The following DIAPH3 variants were observed in gnomAD, a reference collection of about 807,000 sequenced individuals.
DIAPH3 encodes protein diaphanous homolog 3.
A neutral mutation model predicts 144.3 loss-of-function variants in DIAPH3; 117 were observed. That is an observed-to-expected ratio of 0.81 (90% CI 0.70 to 0.95). The LOEUF is 0.95. Ranked by LOEUF, DIAPH3 falls within the 40% of genes least tolerant of loss-of-function variation. The pLI is 0.00. For missense variants in DIAPH3, 1,421 were observed against 1,412.7 expected, an observed-to-expected ratio of 1.01 and a Z score of -0.09; for synonymous variants, 519 against 488.9, an observed-to-expected ratio of 1.06 and a Z score of -0.81.
intron 27 of DIAPH3, among the ~76,000 whole-genome samples, chr13:59,728,256 C>T (rs1170978763): frequency 6.6e-6 from 1 of 151,202 alleles, no homozygotes; most frequent in Non-Finnish European, 1.5e-5. Context: ...TGCTTATTTG[C>T]TTTTCCATTT....
At chr13:59,949,383 G>T (rs1203799534) in intron 17 of DIAPH3, among the ~76,000 whole-genome samples, 8 of 152,116 alleles carry the variant, frequency 5.3e-5, no homozygotes, top group African/African-American at 1.7e-4. Flanking sequence ...AAACCTAATA[G>T]ATATAACAGT....
At chr13:60,093,580 T>A (rs746920507) in intron 4 of DIAPH3, 48 bp downstream of exon 4, 4 of 1,285,064 alleles carry the variant, frequency 3.1e-6, no homozygotes, top group East Asian at 2.3e-5. Flanking sequence ...CTGTTTTCCA[T>A]GTTAAAACAT....
At chr13:59,904,920 A>G (rs1308779403) in intron 20 of DIAPH3, among the ~76,000 whole-genome samples, 1 of 152,158 alleles carries the variant, frequency 6.6e-6, no homozygotes, top group Non-Finnish European at 1.5e-5. Context: ...ATAAATACAT[A>G]ATAACTGCTT....
At chr13:60,015,617 G>A (rs946096649) in intron 7 of DIAPH3, among the ~76,000 whole-genome samples, 1 of 151,736 alleles carries the variant, frequency 6.6e-6, no homozygotes, top group South Asian at 2.1e-4. Context: ...AGAAAGGGTG[G>A]TGGGTGGAGA....
intron 27 of DIAPH3, among the ~76,000 whole-genome samples, chr13:59,741,703 CAA>C (rs756556231): frequency 8.5e-5 from 8 of 93,730 alleles, no homozygotes; most frequent in Non-Finnish European, 4.6e-5. Flanking sequence ...GGCAACAAAG[CAA>C]AAAAAAAAAA....
At position 59,969,947 on chromosome 13, in the gene DIAPH3, T is replaced by A. The variant is rs1332366932; in HGVS notation, c.2071A>T (p.Lys691Ter). 2 of 1,590,602 alleles carry A rather than the reference T, an allele frequency of 1.3e-6. No homozygotes were observed. Among genetic ancestry groups the A allele is most frequent in the Non-Finnish European group, 1.7e-6 (2 of 1,162,314 alleles). ...ATAATCAAGATGTTAAACTTACCTTTTTGTTGGCAACAAAATGTATTCTCA... is the reference window on the plus strand; with the variant it reads ...ATAATCAAGATGTTAAACTTACCTTATTGTTGGCAACAAAATGTATTCTCA... ...KLENTFCCQQ[K>*]ERREEEDIEE... Residue 691 changes from lysine to a stop codon, truncating the protein, a stop_gained, in exon 17 of 28, where the codon AAA (lysine) becomes TAA (stop). Coordinates refer to ENST00000400324, the MANE Select transcript of DIAPH3 (RefSeq NM_001042517.2). LOFTEE classifies it high-confidence loss of function.
chr13:59,741,718 A>G (rs935771123), intron 27 of DIAPH3, among the ~76,000 whole-genome samples: 4 of 151,914 alleles, frequency 2.6e-5, no homozygotes, highest in Non-Finnish European at 4.4e-5. Flanking sequence ...AAAAAAAAGA[A>G]AGAAAGAAAA....
Position 59,825,415 on chromosome 13 carries a change from T to C in DIAPH3, c.3027+7692A>G, listed in dbSNP as rs1159425288. Among the ~76,000 whole-genome samples, 3 of 152,206 alleles carry C rather than the reference T, an allele frequency of 2.0e-5. No homozygotes were observed. The East Asian group carries it at 5.8e-4, about 29-fold the overall frequency. ...TATTCCATGGTGTATATGTGCCACA[T>C]TTTCTTAATCCAGTCTATCATTGTT... On this transcript the variant is annotated intron_variant, in intron 24 of 27. Transcript: ENST00000400324.
intron 27 of DIAPH3, among the ~76,000 whole-genome samples, chr13:59,708,639 C>T (rs933960270): frequency 6.6e-6 from 1 of 152,162 alleles, no homozygotes; most frequent in African/African-American, 2.4e-5. Context: ...CCCCAAATGT[C>T]CGTATGTTCC....
At chr13:60,102,544 G>A (rs2058301254) in intron 3 of DIAPH3, among the ~76,000 whole-genome samples, 1 of 152,158 alleles carries the variant, frequency 6.6e-6, no homozygotes, top group Non-Finnish European at 1.5e-5. Flanking sequence ...AACTGAAGCT[G>A]GAGATGATAC....
intron 27 of DIAPH3, among the ~76,000 whole-genome samples, chr13:59,709,133 T>C (rs1227252210): frequency 2.0e-5 from 3 of 152,234 alleles, no homozygotes; most frequent in Non-Finnish European, 2.9e-5. Context: ...TAATCTTTTG[T>C]ATTCTTTCAG....
intron 25 of DIAPH3, among the ~76,000 whole-genome samples, chr13:59,798,817 G>A (rs1324234095): frequency 2.0e-5 from 3 of 152,174 alleles, no homozygotes; most frequent in Admixed American, 6.6e-5. Flanking sequence ...ATTCATCCCA[G>A]GAGGAAGTGG....
At chr13:59,763,498 G>A (rs2139206999) in intron 27 of DIAPH3, among the ~76,000 whole-genome samples, 1 of 152,102 alleles carries the variant, frequency 6.6e-6, no homozygotes, top group African/African-American at 2.4e-5. Context: ...CCAACACAGT[G>A]AGACTCTGTC....
At chr13:59,754,669 G>A (rs2037169434) in intron 27 of DIAPH3, among the ~76,000 whole-genome samples, 1 of 152,158 alleles carries the variant, frequency 6.6e-6, no homozygotes. Context: ...AAAAATGGAA[G>A]GTTCCACATT....
At chr13:60,004,296 A>G (rs2052722077) in intron 9 of DIAPH3, among the ~76,000 whole-genome samples, 1 of 152,232 alleles carries the variant, frequency 6.6e-6, no homozygotes, top group African/African-American at 2.4e-5. Context: ...GAAAATTGAT[A>G]GCCAGCCACC....
At chr13:59,681,904 T>G (rs972376932) in intron 27 of DIAPH3, among the ~76,000 whole-genome samples, 4 of 152,168 alleles carry the variant, frequency 2.6e-5, no homozygotes, top group African/African-American at 9.7e-5. Context: ...AAACTGTAAA[T>G]GCTGTAAAAG....
chr13:60,005,973 T>G (rs2052850378), intron 9 of DIAPH3, among the ~76,000 whole-genome samples: 1 of 152,216 alleles, frequency 6.6e-6, no homozygotes, highest in Admixed American at 6.5e-5. Context: ...GTTCTCTTTC[T>G]AGATATTTAC....
At chr13:59,685,149 G>C (rs2033149342) in intron 27 of DIAPH3, among the ~76,000 whole-genome samples, 1 of 151,978 alleles carries the variant, frequency 6.6e-6, no homozygotes, top group African/African-American at 2.4e-5. Flanking sequence ...AGGGGTGAAG[G>C]GTGGGAAGGA....
intron 12 of DIAPH3, among the ~76,000 whole-genome samples, chr13:59,989,235 T>C (rs1216788798): frequency 6.6e-6 from 1 of 151,478 alleles, no homozygotes; most frequent in Admixed American, 6.6e-5. Context: ...ACAACACTCA[T>C]AGACGTGTAC....
Sources: allele counts gnomAD v4.1 joint callset (sites outside exome capture counted in the v4.1 genomes callset), GRCh38; gene constraint gnomAD v4.1.1; transcripts MANE v1.5; gene names NCBI Gene and HGNC (gene_info 2026-07-23, HGNC 2026-07-21).